The following SLC39A11 variants were observed in gnomAD, a reference collection of about 807,000 sequenced individuals.
SLC39A11 encodes solute carrier family 39 member 11.
SLC39A11 carries 33 observed loss-of-function variants against 36.1 expected under a neutral mutation model. The observed-to-expected ratio is 0.91, with a 90% confidence interval of 0.69 to 1.22. The LOEUF is 1.22. SLC39A11 is among the 50% of genes most tolerant of loss of function. SLC39A11 has a pLI of 0.00. For missense variants in SLC39A11, 432 were observed against 430.3 expected, an observed-to-expected ratio of 1.00 and a Z score of -0.03; for synonymous variants, 166 against 170.3, an observed-to-expected ratio of 0.97 and a Z score of 0.20.
chr17:72,837,097 G>C (rs913944298), intron 6 of SLC39A11, among the ~76,000 whole-genome samples: 1 of 152,100 alleles, frequency 6.6e-6, no homozygotes, highest in African/African-American at 2.4e-5. Flanking sequence ...GCAGCACGGG[G>C]AGACTGCACA....
intron 7 of SLC39A11, among the ~76,000 whole-genome samples, chr17:72,699,284 T>A (rs1032073904): frequency 6.6e-6 from 1 of 152,132 alleles, no homozygotes; most frequent in Admixed American, 6.5e-5. Context: ...AATAAAAAAA[T>A]TTTGCAAAGA....
intron 6 of SLC39A11, among the ~76,000 whole-genome samples, chr17:72,835,722 A>C (rs376582237): frequency 2.3e-4 from 35 of 152,264 alleles, no homozygotes; most frequent in African/African-American, 8.2e-4. Context: ...CGGCCTCCCA[A>C]CGATACACTC....
chr17:72,893,313 T>G (rs2081855166), intron 5 of SLC39A11, among the ~76,000 whole-genome samples: 1 of 151,922 alleles, frequency 6.6e-6, no homozygotes, highest in Non-Finnish European at 1.5e-5. Flanking sequence ...ATACAAAAAT[T>G]AGCCAGGCGT....
intron 5 of SLC39A11, among the ~76,000 whole-genome samples, chr17:72,908,137 G>A (rs1430914042): frequency 2.0e-5 from 3 of 152,138 alleles, no homozygotes; most frequent in South Asian, 2.1e-4. Flanking sequence ...TCCAGGGCCC[G>A]TCCCTTCAGT....
intron 7 of SLC39A11, among the ~76,000 whole-genome samples, chr17:72,720,178 C>T (rs780695474): frequency 3.7e-4 from 57 of 152,222 alleles, no homozygotes; most frequent in Middle Eastern, 3.4e-3. Flanking sequence ...CACCACACAA[C>T]GAAGGCTGGG....
chr17:72,946,949 C>G (rs896626371), intron 5 of SLC39A11, among the ~76,000 whole-genome samples: 7 of 152,272 alleles, frequency 4.6e-5, no homozygotes, highest in African/African-American at 1.7e-4. Context: ...GACGCATTCC[C>G]TCTAACTCAG....
chr17:72,807,684 A>T (rs1167052270), intron 6 of SLC39A11, among the ~76,000 whole-genome samples: 1 of 152,098 alleles, frequency 6.6e-6, no homozygotes, highest in African/African-American at 2.4e-5. Flanking sequence ...CTGGAGAGGA[A>T]ATGGAAGCTC....
intron 7 of SLC39A11, among the ~76,000 whole-genome samples, chr17:72,711,902 A>C (rs1389736576): frequency 6.6e-6 from 1 of 152,272 alleles, no homozygotes; most frequent in African/African-American, 2.4e-5. Flanking sequence ...GACTTGTGCA[A>C]GAAAAGAACC....
At chr17:72,802,710 G>A (rs116450519) in intron 6 of SLC39A11, among the ~76,000 whole-genome samples, 1,715 of 152,246 alleles carry the variant, frequency 0.011, 42 homozygotes, top group African/African-American at 0.036. Flanking sequence ...GTGGGGAATA[G>A]GGGCTGGAAA....
intron 3 of SLC39A11, among the ~76,000 whole-genome samples, chr17:73,065,202 C>T (rs1437814602): frequency 2.0e-5 from 3 of 151,960 alleles, no homozygotes; most frequent in African/African-American, 4.8e-5. Context: ...GTCAGGAGTT[C>T]GAGACCAGCC....
intron 3 of SLC39A11, among the ~76,000 whole-genome samples, chr17:73,040,169 T>C (rs1235158903): frequency 6.6e-6 from 1 of 152,196 alleles, no homozygotes; most frequent in Non-Finnish European, 1.5e-5. Context: ...CTAATAATCC[T>C]GTTAAATACT....
At chr17:72,693,199 GC>G (rs1255945303) in intron 7 of SLC39A11, among the ~76,000 whole-genome samples, 1 of 152,108 alleles carries the variant, frequency 6.6e-6, no homozygotes, top group Admixed American at 6.5e-5. Flanking sequence ...ATGCCCTTTG[GC>G]CCCCCTCCCC....
intron 5 of SLC39A11, among the ~76,000 whole-genome samples, chr17:72,858,093 G>GT (rs1191942245): frequency 6.6e-6 from 1 of 152,134 alleles, no homozygotes; most frequent in East Asian, 1.9e-4. Flanking sequence ...GTCTACCAGG[G>GT]TTTTTATAGT....
intron 7 of SLC39A11, among the ~76,000 whole-genome samples, chr17:72,682,018 A>G (rs946460841): frequency 6.6e-6 from 1 of 152,064 alleles, no homozygotes; most frequent in Non-Finnish European, 1.5e-5. Flanking sequence ...CATCACTCAC[A>G]TTACCACCTG....
chr17:72,652,581 C>T (rs559480821), intron 7 of SLC39A11, among the ~76,000 whole-genome samples: 14 of 152,122 alleles, frequency 9.2e-5, no homozygotes, highest in Non-Finnish European at 1.8e-4. Flanking sequence ...GAGGTTGCAG[C>T]GTGAAATAAC....
chr17:72,791,172 C>CT (rs2076689081), intron 6 of SLC39A11, among the ~76,000 whole-genome samples: 1 of 151,834 alleles, frequency 6.6e-6, no homozygotes, highest in East Asian at 1.9e-4. Flanking sequence ...GTTTGAGAAC[C>CT]GGCTGGGCAC....
intron 5 of SLC39A11, among the ~76,000 whole-genome samples, chr17:72,928,818 A>T (rs1306669663): frequency 6.6e-6 from 1 of 152,176 alleles, no homozygotes; most frequent in Non-Finnish European, 1.5e-5. Flanking sequence ...ATCACCAAGG[A>T]TCTTTGGACC....
At chr17:72,772,177 G>A (rs2075971074) in intron 6 of SLC39A11, among the ~76,000 whole-genome samples, 1 of 151,962 alleles carries the variant, frequency 6.6e-6, no homozygotes, top group African/African-American at 2.4e-5. Flanking sequence ...CAGGAGGGCT[G>A]AGCAATGCCC....
At chr17:72,991,262 A>C (rs2089153812) in intron 4 of SLC39A11, among the ~76,000 whole-genome samples, 2 of 152,240 alleles carry the variant, frequency 1.3e-5, no homozygotes, top group Non-Finnish European at 2.9e-5. Context: ...ATGTCTACAA[A>C]AAATTCACAC....
Sources: allele counts gnomAD v4.1 joint callset (sites outside exome capture counted in the v4.1 genomes callset), GRCh38; gene constraint gnomAD v4.1.1; transcripts MANE v1.5; gene names NCBI Gene and HGNC (gene_info 2026-07-23, HGNC 2026-07-21).